Variants in CPLANE1 observed in about 807,000 individuals in gnomAD.
CPLANE1 encodes ciliogenesis and planar polarity effector 1.
In CPLANE1, 263 loss-of-function variants were observed where a neutral mutation model predicts 362.5. The observed-to-expected ratio is 0.73, with a 90% confidence interval of 0.66 to 0.80. The LOEUF (loss-of-function observed/expected upper bound fraction) is 0.80. Ranked by LOEUF, CPLANE1 falls within the 30% of genes least tolerant of loss-of-function variation. CPLANE1 has a pLI of 0.00. For missense variants in CPLANE1, 3,461 were observed against 3,793.4 expected, an observed-to-expected ratio of 0.91 and a Z score of 2.30; for synonymous variants, 1,212 against 1,302.6, an observed-to-expected ratio of 0.93 and a Z score of 1.50.
intron 46 of CPLANE1, among the ~76,000 whole-genome samples, chr5:37,126,683 G>A (rs1185340915): frequency 6.6e-6 from 1 of 152,288 alleles, no homozygotes. Context: ...GGAGTGGTCT[G>A]AGAAAATGGG....
intron 34 of CPLANE1, among the ~76,000 whole-genome samples, chr5:37,168,145 A>G (rs1260458982): frequency 6.6e-6 from 1 of 152,218 alleles, no homozygotes; most frequent in Non-Finnish European, 1.5e-5. Flanking sequence ...TTAATTTCAT[A>G]AATCAAAAGT....
chr5:37,077,604 GTCTT>G, the CPLANE1 span, among the ~76,000 whole-genome samples: 2 of 129,598 alleles, frequency 1.5e-5, no homozygotes, highest in African/African-American at 5.8e-5. Flanking sequence ...GTGTGTGTGT[GTCTT>G]TTTTTTTTTT....
At chr5:37,197,886 C>T (rs892464952) in intron 20 of CPLANE1, among the ~76,000 whole-genome samples, 1 of 152,156 alleles carries the variant, frequency 6.6e-6, no homozygotes, top group African/African-American at 2.4e-5. Context: ...ACTTCCTCCT[C>T]TCCCTAACCC....
intron 49 of CPLANE1, among the ~76,000 whole-genome samples, chr5:37,121,393 C>T (rs1355384759): frequency 6.6e-6 from 1 of 152,222 alleles, no homozygotes; most frequent in African/African-American, 2.4e-5. Flanking sequence ...TACCTAAATG[C>T]TCTGTAAGCT....
intron 44 of CPLANE1, 45 bp from the exon 45 acceptor site, chr5:37,139,415 G>C: frequency 9.3e-7 from 1 of 1,075,122 alleles, no homozygotes. Context: ...GTTTTTTTTT[G>C]CTTTCAATTG....
intron 33 of CPLANE1, 140 bp from the exon 34 acceptor site, chr5:37,169,701 G>T: frequency 1.4e-6 from 1 of 696,416 alleles, no homozygotes; most frequent in South Asian, 2.2e-5. Flanking sequence ...TAAAAAACAC[G>T]ATGACTATTG....
intron 26 of CPLANE1, among the ~76,000 whole-genome samples, chr5:37,181,875 A>G (rs1005679670): frequency 2.0e-5 from 3 of 151,562 alleles, no homozygotes; most frequent in African/African-American, 7.3e-5. Context: ...GGCGGATCAC[A>G]AGGTCAGGAG....
At chr5:37,202,349 G>A (rs1349717622) in intron 18 of CPLANE1, among the ~76,000 whole-genome samples, 2 of 151,888 alleles carry the variant, frequency 1.3e-5, no homozygotes, top group Admixed American at 1.3e-4. Context: ...GTAGAGATGA[G>A]GTTTCACCAT....
chr5:37,199,378 T>G (rs1788511910), intron 19 of CPLANE1, among the ~76,000 whole-genome samples: 1 of 152,204 alleles, frequency 6.6e-6, no homozygotes, highest in East Asian at 1.9e-4. Flanking sequence ...TTTCTCTTCC[T>G]CTGCTGGGAA....
chr5:37,189,434 G>A (rs1203488063), intron 21 of CPLANE1, among the ~76,000 whole-genome samples: 1 of 151,940 alleles, frequency 6.6e-6, no homozygotes, highest in Non-Finnish European at 1.5e-5. Flanking sequence ...AGATTCTGCC[G>A]GGGGAGCACG....
downstream of CPLANE1, among the ~76,000 whole-genome samples, chr5:37,103,633 T>A (rs1757402951): frequency 6.6e-6 from 1 of 152,220 alleles, no homozygotes; most frequent in African/African-American, 2.4e-5. Context: ...TGAAGCTTAG[T>A]TTGGCCGGAT....
At position 37,113,727 on chromosome 5, in the gene CPLANE1, T is replaced by C. The variant is rs536796090; in HGVS notation, c.9400+1233A>G. Among the ~76,000 whole-genome samples the C allele has an allele frequency of 7.9e-5, 12 of 152,364 alleles. No homozygotes were observed. In the South Asian group the frequency reaches 1.9e-3, roughly 24 times the overall value. On this transcript the variant is annotated intron_variant, in intron 51 of 52. Transcript: ENST00000651892. ...GATCTACAAAGTAATGAGTTAGCAG[T>C]AGAGAAAGAGGCATAATACCAAGCC...
chr5:37,186,829 G>T (rs1237405364), intron 23 of CPLANE1, among the ~76,000 whole-genome samples: 2 of 152,052 alleles, frequency 1.3e-5, no homozygotes, highest in Non-Finnish European at 1.5e-5. Context: ...GGAGGCCGAG[G>T]CGGGCAGATC....
the CPLANE1 span, among the ~76,000 whole-genome samples, chr5:37,086,868 C>G: frequency 2.0e-5 from 3 of 152,106 alleles, no homozygotes; most frequent in Non-Finnish European, 2.9e-5. Context: ...GGACAGTCCC[C>G]CACAGGTGGT....
chr5:37,200,310 A>C (rs1269736536), intron 19 of CPLANE1, among the ~76,000 whole-genome samples: 1 of 152,240 alleles, frequency 6.6e-6, no homozygotes, highest in Non-Finnish European at 1.5e-5. Flanking sequence ...GAATAAAATG[A>C]AGCACTACTA....
intron 19 of CPLANE1, among the ~76,000 whole-genome samples, chr5:37,199,754 T>C (rs550441124): frequency 6.6e-6 from 1 of 152,306 alleles, no homozygotes; most frequent in South Asian, 2.1e-4. Flanking sequence ...AGTTTTTGAG[T>C]ATCTGCCCAT....
intron 2 of CPLANE1, chr5:37,246,065 T>C: frequency 3.1e-6 from 1 of 322,078 alleles, no homozygotes; most frequent in African/African-American, 2.1e-5. Context: ...GGCTACCTAG[T>C]AGTTGTATTT....
intron 1 of CPLANE1, 22 bp from the exon 2 acceptor site, chr5:37,247,767 A>G (rs1740225903): frequency 6.9e-7 from 1 of 1,459,542 alleles, no homozygotes; most frequent in African/African-American, 1.4e-5. Context: ...AATAGTAATA[A>G]AATATAAATG....
In CPLANE1 at chr5:37,166,996, T is replaced by C. The variant is rs1487127694; in HGVS notation, c.7400+51A>G. On this transcript the variant is annotated intron_variant, in intron 35 of 52. Transcript: ENST00000651892. ...ATTACTGTGTGATTATAAATAATAA[T>C]GAACTTGCTGATATATGATATTATC... 9 of 1,374,960 alleles carry C rather than the reference T, an allele frequency of 6.5e-6. No homozygotes were observed. The South Asian group carries it at 1.1e-4, about 17-fold the overall frequency. 85.2% of individuals were successfully genotyped at this position (1,374,960 alleles called of 1,614,324 possible). A position where few individuals can be genotyped will look rare whatever the true frequency, so the allele number is the denominator to read the frequency against.
Sources: gnomAD v4.1 joint callset for allele counts (sites outside exome capture counted in the v4.1 genomes callset) on GRCh38, gnomAD v4.1.1 for gene constraint, MANE v1.5 for transcripts, NCBI Gene and HGNC (gene_info 2026-07-23, HGNC 2026-07-21) for gene names.